Variants in KIAA1210 observed in about 807,000 individuals in gnomAD.
KIAA1210 encodes KIAA1210, also known as acrosomal protein KIAA1210.
A neutral mutation model predicts 78.9 loss-of-function variants in KIAA1210; 48 were observed. The observed-to-expected ratio is 0.61, with a 90% CI of 0.48 to 0.77. The LOEUF (loss-of-function observed/expected upper bound fraction) is 0.77. Ranked by LOEUF, KIAA1210 falls within the 30% of genes least tolerant of loss-of-function variation. The pLI, the probability that KIAA1210 is intolerant of heterozygous loss-of-function variation, is 0.00. For synonymous variants in KIAA1210, 406 were observed against 404.5 expected (o/e 1.00, Z -0.04); for missense variants, 1,108 against 1,100.0 (o/e 1.01, Z -0.10).
chrX:119,098,014 T>C (rs1927610713), intron 6 of KIAA1210, among the ~76,000 whole-genome samples: 1 of 112,053 alleles, frequency 8.9e-6, no homozygotes, highest in Non-Finnish European at 1.9e-5. Context: ...AAGCTCTTCT[T>C]TTATTGTTCT....
intron 8 of KIAA1210, among the ~76,000 whole-genome samples, chrX:119,092,495 C>T (rs1450664273): frequency 1.8e-5 from 2 of 112,202 alleles, no homozygotes; most frequent in Admixed American, 1.9e-4. Context: ...GGTGCAGTGG[C>T]TCACGCCTGC....
upstream of KIAA1210, among the ~76,000 whole-genome samples, chrX:119,128,782 T>C (rs1435657816): frequency 9.0e-6 from 1 of 111,272 alleles, no homozygotes. Flanking sequence ...TTCAAGTAAC[T>C]CTCCTGCCTC....
At chrX:119,096,775 T>TA in intron 6 of KIAA1210, 84 bp from the exon 7 acceptor site, 1 of 707,938 alleles carries the variant, frequency 1.4e-6, no homozygotes, top group Non-Finnish European at 2.0e-6. Context: ...GGCTGAAGAA[T>TA]TCCCAAAGAA....
chrX:119,093,851 A>G, intron 7 of KIAA1210, 76 bp from the exon 8 acceptor site: 4 of 985,273 alleles, frequency 4.1e-6, no homozygotes, highest in Non-Finnish European at 5.6e-6. Flanking sequence ...CCAAAGAAAA[A>G]GCATCAGGAA....
rs189728369 is a variant in KIAA1210 at position 119,097,742 on chromosome X, G to A, written c.649-1051C>T. On this transcript the variant is annotated intron_variant, in intron 6 of 11. Transcript: ENST00000691062. ...AGATGGCACTGTCATTCCAGTGCAT[G>A]GGGACTTAACGCAGTGCTAATGAGT... Among the ~76,000 whole-genome samples the A allele has an allele frequency of 2.3e-3, 261 of 111,783 alleles. 1 individual carries two copies. Among genetic ancestry groups the A allele is most frequent in the African/African-American group, 7.8e-3 (240 of 30,779 alleles).
intron 1 of KIAA1210, among the ~76,000 whole-genome samples, chrX:119,123,964 A>G (rs1928544803): frequency 9.1e-6 from 1 of 109,938 alleles, no homozygotes; most frequent in Admixed American, 9.7e-5. Context: ...AGTGTACAAG[A>G]TTTCTTTTTT....
chrX:119,081,630 T>G (rs1926972137), intron 11 of KIAA1210, 126 bp from the exon 12 acceptor site: 1 of 616,134 alleles, frequency 1.6e-6, no homozygotes, highest in Non-Finnish European at 2.4e-6. Flanking sequence ...CTCTAGTGCT[T>G]TCTAAACTCT....
chrX:119,143,401 A>G (rs1344135258), intron 2 of KIAA1210, among the ~76,000 whole-genome samples: 1 of 112,379 alleles, frequency 8.9e-6, no homozygotes, highest in Non-Finnish European at 1.9e-5. Flanking sequence ...CTGTCCCCAG[A>G]AAGCCTCTCT....
intron 5 of KIAA1210, 144 bp from the exon 6 acceptor site, chrX:119,105,291 G>A (rs1927860650): frequency 1.7e-6 from 1 of 576,999 alleles, no homozygotes; most frequent in Non-Finnish European, 2.5e-6. Context: ...AATAAGCCCA[G>A]GGAAGAATTT....
At chrX:119,113,686 T>A (rs764191708) in intron 3 of KIAA1210, among the ~76,000 whole-genome samples, 1 of 112,044 alleles carries the variant, frequency 8.9e-6, no homozygotes, top group African/African-American at 3.2e-5. Flanking sequence ...AGCTGTTATA[T>A]AGAAACATAA....
intron 11 of KIAA1210, 109 bp from the exon 12 acceptor site, chrX:119,081,613 C>T (rs1258029756): frequency 6.5e-6 from 5 of 773,325 alleles, no homozygotes; most frequent in African/African-American, 6.3e-5. Context: ...TTCCTCTGAT[C>T]CCCCTGCTCT....
rs1457102246 is a variant in KIAA1210, at chrX:119,087,768, A to C, written c.2934T>G (p.Pro978=). The C allele has an allele frequency of 1.6e-5, 19 of 1,209,964 alleles. No individual in the cohort carries two copies. The highest frequency in any genetic ancestry group is 2.2e-5 in the Admixed American group (1 of 45,768). ...IEADISGSPL[P]PQYATQFLKR... is the part of the protein sequence containing the mutation. The stretch of plus-strand genomic sequence containing the variant: ...TTAAGAACTGGGTAGCATATTGGGG[A>C]GGCAATGGACTCCCAGAAATGTCTG... The change falls in exon 9 of 12, where the codon CCT becomes CCG. Residue 978 remains proline, a synonymous_variant. Coordinates refer to ENST00000691062, the MANE Select transcript of KIAA1210 (RefSeq NM_001394962.1).
At position 119,079,158 on chromosome X, in the gene KIAA1210, C is replaced by G. The variant is rs967459805; in HGVS notation, c.*2171G>C. 3 of 112,346 alleles carry G rather than the reference C, an allele frequency of 2.7e-5. No homozygotes were observed. Among genetic ancestry groups the G allele is most frequent in the Admixed American group, 9.4e-5 (1 of 10,635 alleles). The allele number at this position is 112,346 out of a possible 1,213,427, so 9.3% of individuals were successfully genotyped here. A position where few individuals can be genotyped will look rare whatever the true frequency, so the allele number is the denominator to read the frequency against. ...TGTAATTGTACTGTGTCACATTATA[C>G]CAGCATCAACAAAACCCAGCACCAA... On this transcript the variant is annotated 3_prime_UTR_variant, in exon 12 of 12. Transcript: ENST00000691062.
intron 6 of KIAA1210, among the ~76,000 whole-genome samples, chrX:119,097,484 C>G (rs906647141): frequency 8.9e-6 from 1 of 111,825 alleles, no homozygotes; most frequent in African/African-American, 3.3e-5. Flanking sequence ...GCAGAAGGCC[C>G]TTTGAAGATC....
At chrX:119,147,613 C>T (rs1405523245) in intron 1 of KIAA1210, 2 of 1,205,540 alleles carry the variant, frequency 1.7e-6, no homozygotes, top group East Asian at 5.9e-5. Flanking sequence ...TACACATTAT[C>T]AGGAGTTAAT....
chrX:119,096,464 G>A (rs1927557375), intron 7 of KIAA1210, 30 bp downstream of exon 7: 1 of 1,158,998 alleles, frequency 8.6e-7, no homozygotes, highest in Non-Finnish European at 1.2e-6. Context: ...TTATACAGGA[G>A]TTTAGTGCCC....
At chrX:119,112,761 A>G (rs1292565216) in intron 3 of KIAA1210, among the ~76,000 whole-genome samples, 1 of 112,192 alleles carries the variant, frequency 8.9e-6, no homozygotes, top group Non-Finnish European at 1.9e-5. Flanking sequence ...AAAGTGGTCC[A>G]GCCACTTTGG....
In KIAA1210 at chrX:119,142,637, C is replaced by T. The variant is rs181970883; in HGVS notation, c.410+4836G>A. Among the ~76,000 whole-genome samples the T allele has an allele frequency of 4.7e-3, 512 of 108,928 alleles. 1 individual carries two copies. The highest frequency in any genetic ancestry group is 0.018 in the Middle Eastern group (4 of 217). 94.6% of individuals were successfully genotyped at this position (108,928 alleles called of 115,157 possible). A position where few individuals can be genotyped will look rare whatever the true frequency, so the allele number is the denominator to read the frequency against. On this transcript the variant is annotated intron_variant, in intron 2 of 13. Coordinates refer to the KIAA1210 transcript ENST00000402510. The stretch of plus-strand genomic sequence containing the variant: ...TACTAAAAATACAAAATTAACTGGG[C>T]GTGGTGGTGCATGCCTGTAATCCCA...
At chrX:119,129,597 C>A (rs1331513049), upstream of KIAA1210, among the ~76,000 whole-genome samples, 1 of 111,014 alleles carries the variant, frequency 9.0e-6, no homozygotes, top group Non-Finnish European at 1.9e-5. Context: ...AGCAGAAGAA[C>A]CCCCTTGTTT....
Sources: allele counts gnomAD v4.1 joint callset (sites outside exome capture counted in the v4.1 genomes callset), GRCh38; gene constraint gnomAD v4.1.1; transcripts MANE v1.5; gene names NCBI Gene and HGNC (gene_info 2026-07-23, HGNC 2026-07-21).